Variants in EXTL3 observed in about 807,000 individuals in gnomAD.
EXTL3 encodes exostosin like glycosyltransferase 3.
A neutral mutation model predicts 69.3 loss-of-function variants in EXTL3; 27 were observed. The ratio of observed to expected loss-of-function variants is 0.39; its 90% CI spans 0.29 to 0.54. EXTL3 has a LOEUF of 0.54. EXTL3 is among the 20% of genes least tolerant of loss of function. The pLI, the probability that EXTL3 is intolerant of heterozygous loss-of-function variation, is 0.69. For missense variants in EXTL3, 1,003 were observed against 1,231.8 expected (o/e 0.81, Z 2.78); for synonymous variants, 511 against 499.4 (o/e 1.02, Z -0.31).
At chr8:28,613,442 A>G (rs950811597) in intron 2 of EXTL3, among the ~76,000 whole-genome samples, 1 of 152,128 alleles carries the variant, frequency 6.6e-6, no homozygotes, top group African/African-American at 2.4e-5. Context: ...TCAGCCTCCC[A>G]AAGTGCTGGG....
chr8:28,720,231 C>T (rs1801267047), intron 3 of EXTL3, among the ~76,000 whole-genome samples: 1 of 152,114 alleles, frequency 6.6e-6, no homozygotes, highest in Non-Finnish European at 1.5e-5. Flanking sequence ...AAAAAGGGCA[C>T]TACTGTGATA....
chr8:28,713,583 G>A, intron 2 of EXTL3, 33 bp downstream of exon 2: 1 of 695,552 alleles, frequency 1.4e-6, no homozygotes, highest in Non-Finnish European at 2.6e-6. Context: ...GGATTGCTGT[G>A]ATTACGCCTT....
chr8:28,627,317 C>T (rs529978409), intron 1 of EXTL3, among the ~76,000 whole-genome samples: 1 of 152,082 alleles, frequency 6.6e-6, no homozygotes, highest in East Asian at 1.9e-4. Context: ...TGGCAAAACT[C>T]GTCTCTACAA....
chr8:28,621,127 T>C (rs1225773948), upstream of EXTL3, among the ~76,000 whole-genome samples: 1 of 152,214 alleles, frequency 6.6e-6, no homozygotes, highest in Non-Finnish European at 1.5e-5. Flanking sequence ...AGGTGTGCAC[T>C]GAATTGTCCC....
intron 1 of EXTL3, among the ~76,000 whole-genome samples, chr8:28,652,397 C>T (rs1299518560): frequency 6.6e-6 from 1 of 152,012 alleles, no homozygotes; most frequent in Admixed American, 6.6e-5. Flanking sequence ...TGGCTCATGC[C>T]TGTAAACCCA....
intron 1 of EXTL3, chr8:28,678,022 G>C (rs1807416020): frequency 6.6e-6 from 1 of 152,256 alleles, no homozygotes; most frequent in Non-Finnish European, 1.5e-5. Flanking sequence ...AGGTGGCTTG[G>C]ATCCAAGGCC....
chr8:28,670,410 C>T (rs1265203025), intron 1 of EXTL3, among the ~76,000 whole-genome samples: 1 of 152,096 alleles, frequency 6.6e-6, no homozygotes, highest in Admixed American at 6.6e-5. Flanking sequence ...AATTGACTCA[C>T]ACAATTATGA....
At chr8:28,727,524 C>G (rs533090082) in intron 3 of EXTL3, among the ~76,000 whole-genome samples, 1 of 152,274 alleles carries the variant, frequency 6.6e-6, no homozygotes, top group African/African-American at 2.4e-5. Flanking sequence ...ATCTAGATAT[C>G]AAATCATTGT....
chr8:28,655,005 A>G (rs1289565678), intron 1 of EXTL3, among the ~76,000 whole-genome samples: 2 of 152,126 alleles, frequency 1.3e-5, no homozygotes, highest in African/African-American at 4.8e-5. Flanking sequence ...AGGCCGATGT[A>G]TTTTTCTGAC....
In EXTL3 at chr8:28,717,121, G is replaced by A. The variant is rs760747701; in HGVS notation, c.1062G>A (p.Arg354=). The change falls in exon 3 of 7, where the codon AGG becomes AGA. Residue 354 remains arginine (R), a synonymous_variant. Transcript: ENST00000220562. This position sits in a 1 kb window ranked among gnomAD's most constrained non-coding sequence, Gnocchi z 8.3. ...TFQGEKIESL[R]SSLQEARSFE... is the part of the protein sequence containing the mutation. ...AGGGCGAGAAGATTGAGTCTCTGAG[G>A]TCTAGCCTTCAGGAGGCCCGCTCCT... 32 of 1,614,120 alleles carry A rather than the reference G, an allele frequency of 2.0e-5. 1 individual carries two copies. In the South Asian group the frequency reaches 3.2e-4, roughly 16 times the overall value.
rs556286517 is a variant in EXTL3, at chr8:28,657,144, T to C, written c.-53+34334T>C. On this transcript the variant is annotated intron_variant, in intron 1 of 6. Coordinates refer to the EXTL3 transcript ENST00000523149. ...TTTTGGTAAAGTGGAGGTTTCGCCA[T>C]GTTGGCCAGGCTGCTCTTGAACTCC... Among the ~76,000 whole-genome samples, 57 of 152,242 alleles carry C rather than the reference T, an allele frequency of 3.7e-4. 1 individual carries two copies. Among genetic ancestry groups the C allele is most frequent in the African/African-American group, 1.3e-3 (54 of 41,540 alleles).
intron 1 of EXTL3, among the ~76,000 whole-genome samples, chr8:28,647,279 T>A (rs759244610): frequency 1.2e-4 from 18 of 152,042 alleles, no homozygotes; most frequent in Admixed American, 1.3e-4. Flanking sequence ...GAATTTTTTT[T>A]ATTTAGTAGA....
At chr8:28,669,109 C>A (rs2130637975) in intron 1 of EXTL3, among the ~76,000 whole-genome samples, 1 of 152,264 alleles carries the variant, frequency 6.6e-6, no homozygotes, top group Non-Finnish European at 1.5e-5. Flanking sequence ...AGTGATCCAC[C>A]TGCCTTGGCC....
At chr8:28,614,694 C>T (rs1391915491) in intron 2 of EXTL3, among the ~76,000 whole-genome samples, 3 of 152,168 alleles carry the variant, frequency 2.0e-5, no homozygotes, top group Non-Finnish European at 2.9e-5. Flanking sequence ...TTTCTCTCTG[C>T]ATTGCTTTCA....
intron 1 of EXTL3, among the ~76,000 whole-genome samples, chr8:28,635,701 A>AC (rs71549682): frequency 1.2e-4 from 17 of 140,646 alleles, no homozygotes; most frequent in East Asian, 6.5e-4. Flanking sequence ...ACATAGTGAG[A>AC]CCCCCCCACA....
chr8:28,632,134 T>A (rs1806579282), intron 1 of EXTL3, among the ~76,000 whole-genome samples: 1 of 149,396 alleles, frequency 6.7e-6, no homozygotes, highest in Admixed American at 6.7e-5. Flanking sequence ...GGGCCAGGCG[T>A]GGTGGCTCAC....
chr8:28,748,735 A>T (rs942179406), intron 6 of EXTL3, among the ~76,000 whole-genome samples: 1 of 152,170 alleles, frequency 6.6e-6, no homozygotes, highest in South Asian at 2.1e-4. Flanking sequence ...TGACTCTGAC[A>T]GGTTGTTGGG....
chr8:28,680,385 CAA>C (rs34805922), intron 1 of EXTL3, among the ~76,000 whole-genome samples: 69,230 of 110,280 alleles, frequency 0.63, 19,474 homozygotes, highest in South Asian at 0.69. Context: ...GACTCTGTCT[CAA>C]AAAAAAAAAA....
intron 1 of EXTL3, among the ~76,000 whole-genome samples, chr8:28,670,541 A>C (rs144273606): frequency 0.014 from 2,170 of 152,302 alleles, 29 homozygotes; most frequent in Non-Finnish European, 0.019. Flanking sequence ...TGTCCGTGCA[A>C]GTCTGAAGGA....
Sources: gnomAD v4.1 joint callset for allele counts (sites outside exome capture counted in the v4.1 genomes callset) on GRCh38, gnomAD v4.1.1 for gene constraint, Gnocchi (gnomAD v3.1) non-coding constraint, MANE v1.5 for transcripts, NCBI Gene and HGNC (gene_info 2026-07-23, HGNC 2026-07-21) for gene names.